OLFM1: variants seen among roughly 807,000 people sequenced by gnomAD.
OLFM1 encodes noelin.
Under a neutral mutation model 49.7 loss-of-function variants are expected in OLFM1, and 9 were observed. That is an observed-to-expected ratio of 0.18 (90% CI 0.11 to 0.32). The LOEUF (loss-of-function observed/expected upper bound fraction) is 0.32. Among genes scored for constraint, OLFM1 ranks in the 10% least tolerant of loss-of-function variants. The probability of loss-of-function intolerance (pLI) is 1.00; values close to 1 mark genes in which losing one functional copy is unlikely to be tolerated. For synonymous variants in OLFM1, 240 were observed against 271.8 expected, an observed-to-expected ratio of 0.88 and a Z score of 1.15; for missense variants, 369 against 661.8, an observed-to-expected ratio of 0.56 and a Z score of 4.85.
At position 135,088,578 on chromosome 9, in the gene OLFM1, G is replaced by A. The variant is rs1588205784; in HGVS notation, c.150+439G>A. Among the ~76,000 whole-genome samples, 1 of 152,072 alleles carries A rather than the reference G, an allele frequency of 6.6e-6. No homozygotes were observed. The highest frequency in any genetic ancestry group is 1.5e-5 in the Non-Finnish European group (1 of 67,992). ...GACCCTAGTCTGGGCTCGGTCCAGC[G>A]GGGACTGAGCCCGCCCTAGTTTGTA... is the stretch of plus-strand genomic sequence containing the variant. On this transcript the variant is annotated intron_variant, in intron 1 of 5. Coordinates refer to ENST00000371793, the MANE Select transcript of OLFM1 (RefSeq NM_001282611.2). The surrounding 1 kb of genome is among the most constrained non-coding windows in gnomAD (Gnocchi z 4.8).
Position 135,088,430 on chromosome 9 carries a change from G to C in OLFM1, c.150+291G>C, listed in dbSNP as rs760533022. On this transcript the variant is annotated intron_variant, in intron 1 of 5. Transcript: ENST00000371793. This position sits in a 1 kb window ranked among gnomAD's most constrained non-coding sequence, Gnocchi z 4.8. The stretch of plus-strand genomic sequence containing the variant: ...GCCGGGGGAGCTTGGTGGGTTCTCG[G>C]AGGCTTGGAGTCCTGGGTCAGTAAT... Among the ~76,000 whole-genome samples, 1 of 152,030 alleles carries C rather than the reference G, an allele frequency of 6.6e-6. No individual in the cohort carries two copies. Among genetic ancestry groups the C allele is most frequent in the Non-Finnish European group, 1.5e-5 (1 of 67,970 alleles).
chr9:135,110,628 A>C (rs1831008202), intron 5 of OLFM1, among the ~76,000 whole-genome samples: 1 of 152,122 alleles, frequency 6.6e-6, no homozygotes, highest in Non-Finnish European at 1.5e-5. Flanking sequence ...GGTGCAATAA[A>C]CATCAACGCC....
intron 2 of OLFM1, among the ~76,000 whole-genome samples, chr9:135,091,555 TCATAGTCACACACA>T: frequency 1.6e-5 from 1 of 62,118 alleles, no homozygotes; most frequent in African/African-American, 8.0e-5. Flanking sequence ...AGTCACACAC[TCATAGTCACACACA>T]CACACAGTCA....
In OLFM1 at chr9:135,117,406, A is replaced by C. The variant is rs1368277548; in HGVS notation, c.784-2098A>C. Among the ~76,000 whole-genome samples the C allele has an allele frequency of 6.6e-6, 1 of 152,232 alleles. No homozygotes were observed. The highest frequency in any genetic ancestry group is 1.5e-5 in the Non-Finnish European group (1 of 68,044). On this transcript the variant is annotated intron_variant, in intron 5 of 5. Transcript: ENST00000371793. This position sits in a 1 kb window ranked among gnomAD's most constrained non-coding sequence, Gnocchi z 5.5. ...CCAAATTAATGACATTCCGCCCTGC[A>C]GACAGGATGACTCAGTCCGTGCCGC...
intron 5 of OLFM1, among the ~76,000 whole-genome samples, chr9:135,112,153 G>A (rs372186591): frequency 2.8e-4 from 43 of 152,332 alleles, no homozygotes; most frequent in African/African-American, 4.8e-4. Context: ...ACAGCAGCCC[G>A]TCCAGCTGTG....
chr9:135,108,476 T>C (rs1564277827), intron 5 of OLFM1, among the ~76,000 whole-genome samples: 1 of 151,842 alleles, frequency 6.6e-6, no homozygotes, highest in South Asian at 2.1e-4. Context: ...TCTCTAAAAA[T>C]GCAAAAATTA....
rs1470037426 is a variant in OLFM1 at position 135,080,757 on chromosome 9, TACATGGCAACC to T, written c.96+4958_96+4968del. On this transcript the variant is annotated intron_variant, in intron 1 of 5. Coordinates refer to the OLFM1 transcript ENST00000252854. The surrounding 1 kb of genome is among the most constrained non-coding windows in gnomAD (Gnocchi z 4.5). ...TAATTACTAGCTAAACTGAATTAGATACATGGCAACCACGAGCTAGGCTGACAGGGCGAGCA... is the reference window on the plus strand; with the variant it reads ...TAATTACTAGCTAAACTGAATTAGATACGAGCTAGGCTGACAGGGCGAGCA... 7.2e-5 allele frequency among the ~76,000 whole-genome samples: 11 copies of T among 152,300 alleles called. No homozygotes were observed. Among genetic ancestry groups the T allele is most frequent in the Admixed American group, 1.3e-4 (2 of 15,304 alleles).
chr9:135,077,163 C>T lies in OLFM1; in HGVS notation c.96+1361C>T, dbSNP rs78330156. The T allele has an allele frequency of 1.0e-3, 1,558 of 1,547,132 alleles. 16 individuals are homozygous for T. The African/African-American group carries it at 0.018, about 18-fold the overall frequency. On this transcript the variant is annotated intron_variant, in intron 1 of 5. Coordinates refer to the OLFM1 transcript ENST00000252854. Reference sequence around the variant, plus strand: ...ATTCATTCATGTGCACACACACACACACACATGCACACACAGGGGAGCAGA... The same window carrying T: ...ATTCATTCATGTGCACACACACACATACACATGCACACACAGGGGAGCAGA...
intron 5 of OLFM1, among the ~76,000 whole-genome samples, chr9:135,107,132 TGGGCTGGGCTGGGC>T (rs1830956530): frequency 2.2e-4 from 1 of 4,528 alleles, no homozygotes; most frequent in East Asian, 9.4e-4. Context: ...CCCGGCCCGG[TGGGCTGGGCTGGGC>T]TGGGCTGGGC....
chr9:135,077,264 G>T, intron 1 of OLFM1: 1 of 1,455,000 alleles, frequency 6.9e-7, no homozygotes, highest in South Asian at 1.5e-5. Context: ...GTGTCTTATT[G>T]AGACACCTTG....
At chr9:135,097,393 A>G (rs1305068159) in intron 3 of OLFM1, among the ~76,000 whole-genome samples, 3 of 152,144 alleles carry the variant, frequency 2.0e-5, no homozygotes, top group Non-Finnish European at 4.4e-5. Flanking sequence ...CCAAAAAAGC[A>G]TTTATGTCTC....
rs575733214 is a variant in OLFM1, at chr9:135,104,603, G to A, written c.677-2146G>A. 7.2e-5 allele frequency among the ~76,000 whole-genome samples: 11 copies of A among 152,272 alleles called. No individual in the cohort carries two copies. The East Asian group carries it at 1.7e-3, about 24-fold the overall frequency. On this transcript the variant is annotated intron_variant, in intron 4 of 5. Transcript: ENST00000371793. ...CCTTCCGGACAACTAACAGAACCAC[G>A]GCGTGGAAAGTCCTCACGGGATGTT... is the stretch of plus-strand genomic sequence containing the variant.
At chr9:135,118,060 G>A (rs1310790100) in intron 5 of OLFM1, among the ~76,000 whole-genome samples, 1 of 152,190 alleles carries the variant, frequency 6.6e-6, no homozygotes. Flanking sequence ...GGGAGGACAT[G>A]GCACCCTTTG....
At chr9:135,106,644 A>G in intron 4 of OLFM1, 105 bp from the exon 5 acceptor site, 1 of 778,112 alleles carries the variant, frequency 1.3e-6, no homozygotes, top group South Asian at 1.7e-5. Context: ...GGGCAAGAGG[A>G]GAAGCCGCCA....
At chr9:135,085,897 G>A (rs1018142227), upstream of OLFM1, among the ~76,000 whole-genome samples, 1 of 152,254 alleles carries the variant, frequency 6.6e-6, no homozygotes, top group Non-Finnish European at 1.5e-5. Flanking sequence ...AGCCGCTCAG[G>A]TGCAGGTTGG....
At chr9:135,108,219 C>A (rs911494480) in intron 5 of OLFM1, among the ~76,000 whole-genome samples, 1 of 152,232 alleles carries the variant, frequency 6.6e-6, no homozygotes, top group Non-Finnish European at 1.5e-5. Flanking sequence ...TCTGACCACT[C>A]TTTTATTCCA....
chr9:135,084,768 C>T (rs1359767465), upstream of OLFM1, among the ~76,000 whole-genome samples: 1 of 152,132 alleles, frequency 6.6e-6, no homozygotes, highest in Non-Finnish European at 1.5e-5. This position sits in a 1 kb window ranked among gnomAD's most constrained non-coding sequence, Gnocchi z 4.6. Context: ...CGGGAAGTGG[C>T]CCAGAGACCT....
upstream of OLFM1, chr9:135,087,325 C>A (rs1433730554): frequency 2.6e-6 from 4 of 1,533,860 alleles, no homozygotes; most frequent in Non-Finnish European, 3.5e-6. Flanking sequence ...AACCTTTGCC[C>A]CAAAGCGGAC....
At position 135,093,604 on chromosome 9, in the gene OLFM1, C is replaced by G. The variant is rs12343540; in HGVS notation, c.301-2260C>G. Among the ~76,000 whole-genome samples, 619 of 152,308 alleles carry G rather than the reference C, an allele frequency of 4.1e-3. 8 individuals carry two copies. The highest frequency in any genetic ancestry group is 0.014 in the African/African-American group (589 of 41,558). ...TGTGTTGCTGGCCCCCCTCCCGCTTCTTAATGCCTGCTGCCCCGTTGGGTA... is the reference window on the plus strand; with the variant it reads ...TGTGTTGCTGGCCCCCCTCCCGCTTGTTAATGCCTGCTGCCCCGTTGGGTA... On this transcript the variant is annotated intron_variant, in intron 2 of 5. Coordinates refer to ENST00000371793, the MANE Select transcript of OLFM1 (RefSeq NM_001282611.2).
Sources: allele counts gnomAD v4.1 joint callset (sites outside exome capture counted in the v4.1 genomes callset), GRCh38; gene constraint gnomAD v4.1.1; non-coding constraint Gnocchi (gnomAD v3.1); transcripts MANE v1.5; gene names NCBI Gene and HGNC (gene_info 2026-07-23, HGNC 2026-07-21).